USH2A: variants seen among roughly 807,000 people sequenced by gnomAD.
USH2A encodes the protein usherin, also known as Usher syndrome 2A (autosomal recessive, mild).
USH2A carries 443 observed loss-of-function variants against 538.9 expected under a neutral mutation model. The observed-to-expected ratio is 0.82, with a 90% confidence interval of 0.76 to 0.89. The LOEUF (loss-of-function observed/expected upper bound fraction) is 0.89. USH2A is among the 40% of genes least tolerant of loss of function. USH2A has a pLI of 0.00. For synonymous variants in USH2A, 2,413 were observed against 2,273.5 expected (o/e 1.06, Z -1.75); for missense variants, 6,633 against 6,324.8 (o/e 1.05, Z -1.65).
chr1:216,259,433 A>T (rs2036323370), intron 11 of USH2A, among the ~76,000 whole-genome samples: 2 of 152,118 alleles, frequency 1.3e-5, no homozygotes, highest in Admixed American at 6.6e-5. Context: ...TGTTGCTGCC[A>T]AATACAGTAA....
intron 61 of USH2A, among the ~76,000 whole-genome samples, chr1:215,701,406 T>C (rs1038411583): frequency 1.3e-5 from 2 of 152,216 alleles, no homozygotes; most frequent in Non-Finnish European, 2.9e-5. Flanking sequence ...CTGTCTAATA[T>C]TGACAGTGGG....
chr1:216,283,093 T>C (rs1348851455), intron 11 of USH2A, among the ~76,000 whole-genome samples: 1 of 152,186 alleles, frequency 6.6e-6, no homozygotes, highest in Non-Finnish European at 1.5e-5. Context: ...GGTTTTTTTC[T>C]GTTGTTGTTG....
intron 13 of USH2A, among the ~76,000 whole-genome samples, chr1:216,242,647 C>G (rs908954573): frequency 2.0e-5 from 3 of 152,124 alleles, no homozygotes; most frequent in African/African-American, 7.2e-5. Context: ...CTTACTGTTT[C>G]CATTGCAATA....
At chr1:216,036,111 T>C (rs1317514763) in intron 32 of USH2A, among the ~76,000 whole-genome samples, 3 of 152,118 alleles carry the variant, frequency 2.0e-5, no homozygotes, top group Non-Finnish European at 4.4e-5. Context: ...ATCTATGGTA[T>C]TGGCTAGAAG....
chr1:215,802,919 C>T (rs114822162), intron 49 of USH2A, among the ~76,000 whole-genome samples: 2,747 of 152,110 alleles, frequency 0.018, 88 homozygotes, highest in African/African-American at 0.063. Context: ...TACAATGAGA[C>T]ATTATTCGAC....
chr1:216,377,777 T>C (rs200433207), intron 3 of USH2A, among the ~76,000 whole-genome samples: 18 of 105,670 alleles, frequency 1.7e-4, no homozygotes, highest in African/African-American at 6.9e-4. Flanking sequence ...AGGAAAGAAA[T>C]AAAAAGAAAG....
rs140016906 is a variant in USH2A at position 216,225,753 on chromosome 1, T to A, written c.2993+6200A>T. Among the ~76,000 whole-genome samples the A allele has an allele frequency of 1.4e-3, 217 of 152,244 alleles. 1 individual carries two copies. Among genetic ancestry groups the A allele is most frequent in the Middle Eastern group, 6.8e-3 (2 of 294 alleles). On this transcript the variant is annotated intron_variant, in intron 14 of 71. Coordinates refer to ENST00000307340, the MANE Select transcript of USH2A (RefSeq NM_206933.4). ...AAGTTTTACGTCTTTTTCACCAAGA[T>A]GATGATAGCATGAGATGGCATAAGA...
intron 56 of USH2A, among the ~76,000 whole-genome samples, chr1:215,760,544 A>G (rs1411653134): frequency 6.6e-6 from 1 of 152,206 alleles, no homozygotes; most frequent in African/African-American, 2.4e-5. Flanking sequence ...CAAGAATCCA[A>G]CTGTTTGCTT....
At chr1:216,005,060 G>T (rs1266327540) in intron 32 of USH2A, among the ~76,000 whole-genome samples, 1 of 152,130 alleles carries the variant, frequency 6.6e-6, no homozygotes, top group South Asian at 2.1e-4. Flanking sequence ...CTCTTAGAAC[G>T]AAATCTAATA....
chr1:216,081,282 G>A (rs543231623), intron 26 of USH2A, among the ~76,000 whole-genome samples: 46 of 152,242 alleles, frequency 3.0e-4, no homozygotes, highest in African/African-American at 4.6e-4. Context: ...GTGTCAATGC[G>A]TTGGTGAACT....
intron 8 of USH2A, among the ~76,000 whole-genome samples, chr1:216,322,977 T>C (rs973675132): frequency 6.6e-5 from 10 of 151,992 alleles, no homozygotes; most frequent in African/African-American, 1.9e-4. Flanking sequence ...ACTTAGGGCA[T>C]ATCAGATCTT....
At position 215,777,100 on chromosome 1, in the gene USH2A, A is replaced by C. The variant is rs187428970; in HGVS notation, c.10939+2743T>G. On this transcript the variant is annotated intron_variant, in intron 55 of 71. Coordinates refer to ENST00000307340, the MANE Select transcript of USH2A (RefSeq NM_206933.4). ...GGGAGATTGGTCAAAGGACTCCTAA[A>C]GGCTTTTACCAGATTATGATTTTTT... Among the ~76,000 whole-genome samples, 50 of 152,326 alleles carry C rather than the reference A, an allele frequency of 3.3e-4. 1 individual carries two copies. In the East Asian group the frequency reaches 9.1e-3, roughly 28 times the overall value.
At chr1:216,404,544 G>T (rs1409160633) in intron 3 of USH2A, among the ~76,000 whole-genome samples, 2 of 151,666 alleles carry the variant, frequency 1.3e-5, no homozygotes, top group African/African-American at 4.8e-5. Flanking sequence ...TTCAACTAAG[G>T]GCTATTTGGA....
intron 9 of USH2A, among the ~76,000 whole-genome samples, chr1:216,295,091 T>C (rs981974263): frequency 6.6e-6 from 1 of 151,856 alleles, no homozygotes; most frequent in African/African-American, 2.4e-5. Context: ...CTCATTTTAA[T>C]GAAAATGTCT....
chr1:216,022,478 T>C lies in USH2A; in HGVS notation c.6326-21916A>G, dbSNP rs563949494. Among the ~76,000 whole-genome samples, 204 of 152,294 alleles carry C rather than the reference T, an allele frequency of 1.3e-3. 1 individual carries two copies. Among genetic ancestry groups the C allele is most frequent in the African/African-American group, 4.7e-3 (197 of 41,576 alleles). ...TCGGAGCCAGGTATGGTGCCCTGGT[T>C]CTCAGAAGAGAGAGATCATTCTGAG... is the stretch of plus-strand genomic sequence containing the variant. On this transcript the variant is annotated intron_variant, in intron 32 of 71. Coordinates refer to ENST00000307340, the MANE Select transcript of USH2A (RefSeq NM_206933.4).
In USH2A at chr1:215,663,131, C is replaced by T. The variant is rs73087472; in HGVS notation, c.14133+7841G>A. ...CACACCTTTAGAGGCAACTGTACTC[C>T]TGATTGAGATTTTTACACTCTAACA... On this transcript the variant is annotated intron_variant, in intron 64 of 71. Coordinates refer to ENST00000307340, the MANE Select transcript of USH2A (RefSeq NM_206933.4). 4.1e-3 allele frequency among the ~76,000 whole-genome samples: 629 copies of T among 152,282 alleles called. 3 individuals are homozygous for T. Among genetic ancestry groups the T allele is most frequent in the African/African-American group, 0.015 (614 of 41,554 alleles).
At chr1:215,919,785 T>C (rs922499761) in intron 38 of USH2A, among the ~76,000 whole-genome samples, 1 of 152,046 alleles carries the variant, frequency 6.6e-6, no homozygotes, top group Non-Finnish European at 1.5e-5. Flanking sequence ...CCATAAAGTC[T>C]AACAACATAA....
intron 13 of USH2A, 37 bp from the exon 14 acceptor site, chr1:216,232,173 T>C: frequency 6.4e-7 from 1 of 1,574,112 alleles, no homozygotes; most frequent in Non-Finnish European, 8.6e-7. Flanking sequence ...ATATATACTT[T>C]TTATCCACTC....
At chr1:215,690,899 C>T (rs1353414527) in intron 61 of USH2A, among the ~76,000 whole-genome samples, 1 of 151,972 alleles carries the variant, frequency 6.6e-6, no homozygotes, top group African/African-American at 2.4e-5. Flanking sequence ...GCCTTTTTTT[C>T]TCTTTTTTTA....
Sources: allele counts gnomAD v4.1 joint callset (sites outside exome capture counted in the v4.1 genomes callset), GRCh38; gene constraint gnomAD v4.1.1; transcripts MANE v1.5; gene names NCBI Gene and HGNC (gene_info 2026-07-23, HGNC 2026-07-21).